Variants in CTBP2 observed in about 807,000 individuals in gnomAD.
The protein encoded by CTBP2 is C-terminal binding protein 2, also known as C-terminal-binding protein 2.
Under a neutral mutation model 80.3 loss-of-function variants are expected in CTBP2, and 30 were observed. The ratio of observed to expected loss-of-function variants is 0.37; its 90% CI spans 0.28 to 0.51. The LOEUF (loss-of-function observed/expected upper bound fraction) is 0.51, where lower values mean the gene tolerates loss of function less well. Ranked by LOEUF, CTBP2 falls within the 20% of genes least tolerant of loss-of-function variation. The probability of loss-of-function intolerance (pLI) is 0.93; values close to 1 mark genes in which losing one functional copy is unlikely to be tolerated. For synonymous variants in CTBP2, 594 were observed against 587.4 expected, an observed-to-expected ratio of 1.01 and a Z score of -0.16; for missense variants, 1,212 against 1,375.3, an observed-to-expected ratio of 0.88 and a Z score of 1.88.
At chr10:125,092,313 C>G (rs1474148657) in intron 2 of CTBP2, among the ~76,000 whole-genome samples, 1 of 151,604 alleles carries the variant, frequency 6.6e-6, no homozygotes, top group Non-Finnish European at 1.5e-5. Flanking sequence ...GCCTCAGCCT[C>G]CCTAGTAGCT....
chr10:125,019,911 C>T (rs547226104), intron 1 of CTBP2, among the ~76,000 whole-genome samples: 1 of 152,254 alleles, frequency 6.6e-6, no homozygotes, highest in African/African-American at 2.4e-5. Flanking sequence ...AAGCCTGGGC[C>T]CCATGACCCA....
chr10:124,996,979 C>A, intron 4 of CTBP2: 1 of 152,418 alleles, frequency 6.6e-6, no homozygotes. Context: ...GGTGTGCACT[C>A]CTGGAAGCGT....
At position 124,988,343 on chromosome 10, in the gene CTBP2, ATTAC is replaced by A. The variant is rs1589865520; in HGVS notation, c.*1171_*1174del. 2.6e-5 allele frequency: 4 copies of A among 152,696 alleles called. No individual in the cohort carries two copies. The highest frequency in any genetic ancestry group is 4.1e-4 in the South Asian group (2 of 4,832). The allele number at this position is 152,696 out of a possible 1,614,324, so 9.5% of individuals were successfully genotyped here. A position where few individuals can be genotyped will look rare whatever the true frequency, so the allele number is the denominator to read the frequency against. ...GAATTTCAGAACTTAACAAATTTTA[ATTAC>A]TTTTTATTGAAAACTGCACTGAACG... On this transcript the variant is annotated 3_prime_UTR_variant, in exon 9 of 9. Coordinates refer to ENST00000309035, the MANE Select transcript of CTBP2 (RefSeq NM_022802.3).
intron 1 of CTBP2, among the ~76,000 whole-genome samples, chr10:125,141,241 C>T (rs1857761403): frequency 6.6e-6 from 1 of 152,154 alleles, no homozygotes; most frequent in Non-Finnish European, 1.5e-5. Context: ...TCCTGCCAAG[C>T]ATCTCCTCTG....
At chr10:125,049,997 G>T (rs1159650861) in intron 2 of CTBP2, among the ~76,000 whole-genome samples, 1 of 152,218 alleles carries the variant, frequency 6.6e-6, no homozygotes, top group Non-Finnish European at 1.5e-5. Flanking sequence ...AGTAGTTTGG[G>T]CATGCACTGG....
intron 2 of CTBP2, among the ~76,000 whole-genome samples, chr10:125,064,595 A>G (rs546979462): frequency 4.6e-5 from 7 of 152,380 alleles, no homozygotes; most frequent in African/African-American, 1.4e-4. Flanking sequence ...TTCTATTTAT[A>G]GTCAGAGTGC....
intron 1 of CTBP2, among the ~76,000 whole-genome samples, chr10:125,015,187 G>A (rs1202549200): frequency 6.6e-6 from 1 of 152,198 alleles, no homozygotes; most frequent in African/African-American, 2.4e-5. Flanking sequence ...TCACTTCTCA[G>A]GCAGCGGATT....
intron 2 of CTBP2, among the ~76,000 whole-genome samples, chr10:125,062,472 G>A (rs1452722099): frequency 7.2e-5 from 11 of 152,178 alleles, no homozygotes; most frequent in Non-Finnish European, 7.3e-5. Flanking sequence ...TGAAGGCTGC[G>A]GGGAGGTTCT....
rs759068549 is a variant in CTBP2, at chr10:124,987,263, G to GAGTA, written c.*2251_*2254dup. The GAGTA allele has an allele frequency of 2.0e-4, 31 of 152,670 alleles. No homozygotes were observed. The South Asian group carries it at 2.3e-3, about 11-fold the overall frequency. 9.5% of individuals were successfully genotyped at this position (152,670 alleles called of 1,614,324 possible). A position where few individuals can be genotyped will look rare whatever the true frequency, so the allele number is the denominator to read the frequency against. The stretch of plus-strand genomic sequence containing the variant: ...ACAGACATTAATGACTGACTCTGGA[G>GAGTA]AGTAAGTCATACCTGCACTCTGTGG... On this transcript the variant is annotated 3_prime_UTR_variant, in exon 9 of 9. Coordinates refer to ENST00000309035, the MANE Select transcript of CTBP2 (RefSeq NM_022802.3).
At chr10:125,023,781 C>T (rs945682372) in intron 1 of CTBP2, among the ~76,000 whole-genome samples, 4 of 152,074 alleles carry the variant, frequency 2.6e-5, no homozygotes, top group Non-Finnish European at 2.9e-5. Context: ...AGCAAACATA[C>T]ATTAAAAATA....
chr10:125,023,661 C>T (rs549553947), intron 1 of CTBP2, among the ~76,000 whole-genome samples: 9 of 152,280 alleles, frequency 5.9e-5, no homozygotes, highest in Non-Finnish European at 7.4e-5. Context: ...GCCTTCCTCA[C>T]GTTGTCACTC....
chr10:125,139,639 A>G (rs958665568), intron 1 of CTBP2, among the ~76,000 whole-genome samples: 10 of 152,260 alleles, frequency 6.6e-5, no homozygotes, highest in African/African-American at 1.9e-4. Context: ...TCACCTGAGC[A>G]AGCACCGCTG....
At chr10:125,074,658 TCAC>T (rs1358639969) in intron 2 of CTBP2, among the ~76,000 whole-genome samples, 1 of 152,242 alleles carries the variant, frequency 6.6e-6, no homozygotes, top group Non-Finnish European at 1.5e-5. Context: ...ACTGTCCTTT[TCAC>T]ATTGAAGTAA....
At chr10:125,086,349 C>G (rs1847963780) in intron 2 of CTBP2, among the ~76,000 whole-genome samples, 1 of 152,044 alleles carries the variant, frequency 6.6e-6, no homozygotes, top group Admixed American at 6.5e-5. Context: ...CTGGCCAACA[C>G]AGCGAAACCT....
intron 1 of CTBP2, among the ~76,000 whole-genome samples, chr10:125,111,779 T>C (rs1053181175): frequency 2.0e-5 from 3 of 152,220 alleles, no homozygotes; most frequent in African/African-American, 7.2e-5. Flanking sequence ...CTACTTCCTA[T>C]GCACACACAG....
chr10:125,038,252 C>T (rs746039450), intron 3 of CTBP2, among the ~76,000 whole-genome samples: 21 of 152,142 alleles, frequency 1.4e-4, no homozygotes, highest in Non-Finnish European at 1.8e-4. Context: ...TAAACTTCAG[C>T]GTGTGCGTGA....
chr10:125,049,046 GACACACACAC>G (rs1178000125), intron 2 of CTBP2, among the ~76,000 whole-genome samples: 108 of 89,740 alleles, frequency 1.2e-3, no homozygotes, highest in African/African-American at 3.4e-3. Flanking sequence ...CCTGACCACA[GACACACACAC>G]ACACACACAC....
chr10:124,990,102 G>T (rs116043392), intron 8 of CTBP2, among the ~76,000 whole-genome samples: 3 of 150,034 alleles, frequency 2.0e-5, no homozygotes, highest in African/African-American at 7.4e-5. Context: ...GTGCAGTGGC[G>T]TGAGCAATCT....
At chr10:125,079,294 G>A (rs755131647) in intron 2 of CTBP2, among the ~76,000 whole-genome samples, 15 of 152,194 alleles carry the variant, frequency 9.9e-5, no homozygotes, top group East Asian at 1.9e-4. Context: ...AGGGCACAGC[G>A]CCTTTCACAG....
Sources: gnomAD v4.1 joint callset for allele counts (sites outside exome capture counted in the v4.1 genomes callset) on GRCh38, gnomAD v4.1.1 for gene constraint, MANE v1.5 for transcripts, NCBI Gene and HGNC (gene_info 2026-07-23, HGNC 2026-07-21) for gene names.